Variants in MAMLD1 observed in about 807,000 individuals in gnomAD.
MAMLD1 encodes mastermind-like domain-containing protein 1.
In MAMLD1, 14 loss-of-function variants were observed where a neutral mutation model predicts 45.0. That is an observed-to-expected ratio of 0.31 (90% CI 0.21 to 0.49). The LOEUF is 0.49. MAMLD1 is among the 20% of genes least tolerant of loss of function. The pLI is 0.99. For synonymous variants in MAMLD1, 254 were observed against 247.8 expected (o/e 1.02, Z -0.24); for missense variants, 543 against 603.6 (o/e 0.90, Z 1.05).
At chrX:150,461,530 A>G (rs1472204081) in intron 2 of MAMLD1, among the ~76,000 whole-genome samples, 5 of 111,558 alleles carry the variant, frequency 4.5e-5, no homozygotes, top group African/African-American at 9.8e-5. Context: ...AGCATTCTAG[A>G]AAAGGGGTGT....
At chrX:150,415,341 T>G (rs1488202820) in intron 1 of MAMLD1, among the ~76,000 whole-genome samples, 1 of 112,887 alleles carries the variant, frequency 8.9e-6, no homozygotes, top group Non-Finnish European at 1.9e-5. Context: ...GCCAGAGGCA[T>G]CTTCATCATT....
At chrX:150,399,885 C>G (rs1297363017) in intron 1 of MAMLD1, among the ~76,000 whole-genome samples, 1 of 112,333 alleles carries the variant, frequency 8.9e-6, no homozygotes, top group African/African-American at 3.2e-5. Context: ...AACAATTGAG[C>G]AGGCTTTCAG....
At chrX:150,460,640 G>A (rs1381852455) in intron 2 of MAMLD1, among the ~76,000 whole-genome samples, 1 of 111,567 alleles carries the variant, frequency 9.0e-6, no homozygotes, top group Non-Finnish European at 1.9e-5. Flanking sequence ...TATTGCTACT[G>A]CATTCACACA....
chrX:150,443,070 A>G (rs1441708984), intron 1 of MAMLD1, among the ~76,000 whole-genome samples: 11 of 111,391 alleles, frequency 9.9e-5, no homozygotes, highest in African/African-American at 3.6e-4. Context: ...CACTGTATTC[A>G]AGGCTTTTCT....
At chrX:150,495,606 C>T in intron 5 of MAMLD1, among the ~76,000 whole-genome samples, 1 of 112,500 alleles carries the variant, frequency 8.9e-6, no homozygotes, top group East Asian at 2.8e-4. Context: ...GAAAGCAGAG[C>T]AGGAAATTCA....
intron 5 of MAMLD1, among the ~76,000 whole-genome samples, chrX:150,486,215 C>T (rs1311609131): frequency 8.9e-6 from 1 of 111,912 alleles, no homozygotes; most frequent in African/African-American, 3.3e-5. Flanking sequence ...GCTGGCTCCC[C>T]CTTGTGGGCA....
intron 2 of MAMLD1, among the ~76,000 whole-genome samples, chrX:150,446,087 C>T (rs962317556): frequency 2.4e-4 from 27 of 111,842 alleles, no homozygotes; most frequent in African/African-American, 8.1e-4. Flanking sequence ...CTTCTACTTT[C>T]CTCCCTGGGA....
intron 1 of MAMLD1, among the ~76,000 whole-genome samples, chrX:150,439,424 C>T (rs782413864): frequency 1.8e-5 from 2 of 111,626 alleles, no homozygotes; most frequent in Admixed American, 9.5e-5. Flanking sequence ...TGAAGATTTA[C>T]TTCTATGTTT....
chrX:150,449,751 C>T (rs1351953932), intron 2 of MAMLD1, among the ~76,000 whole-genome samples: 1 of 110,473 alleles, frequency 9.1e-6, no homozygotes, highest in Non-Finnish European at 1.9e-5. Flanking sequence ...GCCCTGTGCT[C>T]GATCTTGAGC....
intron 1 of MAMLD1, among the ~76,000 whole-genome samples, chrX:150,427,564 ACCTGTCTCCTCAT>A (rs112948818): frequency 0.46 from 50,583 of 109,684 alleles, 9,317 homozygotes; most frequent in East Asian, 0.77. Flanking sequence ...CCTGAACCAC[ACCTGTCTCCTCAT>A]CCTCACCCTA....
intron 5 of MAMLD1, among the ~76,000 whole-genome samples, chrX:150,490,955 G>C (rs1317680089): frequency 2.7e-5 from 3 of 111,955 alleles, no homozygotes; most frequent in Non-Finnish European, 5.6e-5. Context: ...CTCAATAGAT[G>C]TAAAAAGGAA....
In MAMLD1 at chrX:150,512,131, C is replaced by G; in HGVS notation, c.*172C>G. The G allele has an allele frequency of 8.7e-7, 1 of 1,154,010 alleles. No individual in the cohort carries two copies. The highest frequency in any genetic ancestry group is 1.1e-6 in the Non-Finnish European group (1 of 871,712). ...TGAGTCCAGGAATGATCCCACTCAC[C>G]AGGCACCAGAGCTGCGAGGGCATGG... On this transcript the variant is annotated 3_prime_UTR_variant, in exon 8 of 8. Transcript: ENST00000370401.
chrX:150,390,288 T>C (rs1364519221), intron 1 of MAMLD1, among the ~76,000 whole-genome samples: 1 of 112,115 alleles, frequency 8.9e-6, no homozygotes, highest in East Asian at 2.8e-4. Context: ...TTTTAGACCA[T>C]ATAAATAAGA....
chrX:150,369,720 T>G (rs1192227545), intron 1 of MAMLD1, among the ~76,000 whole-genome samples: 2 of 112,200 alleles, frequency 1.8e-5, no homozygotes, highest in Non-Finnish European at 3.8e-5. Context: ...AGAGCAGATT[T>G]GCTGCTTTGC....
chrX:150,372,540 C>A (rs782214762), intron 1 of MAMLD1, among the ~76,000 whole-genome samples: 62 of 112,343 alleles, frequency 5.5e-4, no homozygotes, highest in African/African-American at 1.9e-3. Context: ...GAGGGCACAG[C>A]GTTTCTAAGC....
intron 1 of MAMLD1, among the ~76,000 whole-genome samples, chrX:150,365,912 TTATAAC>T (rs1173226887): frequency 8.9e-6 from 1 of 112,643 alleles, no homozygotes; most frequent in Admixed American, 9.3e-5. Context: ...TCCTTGTCCC[TTATAAC>T]TGCCCCCCTA....
At chrX:150,502,619 C>G (rs2037591357) in intron 5 of MAMLD1, among the ~76,000 whole-genome samples, 1 of 112,013 alleles carries the variant, frequency 8.9e-6, no homozygotes, top group Non-Finnish European at 1.9e-5. Context: ...AAGGGGAGGT[C>G]CCACCCACAC....
intron 1 of MAMLD1, among the ~76,000 whole-genome samples, chrX:150,397,885 T>C (rs1557402304): frequency 9.0e-6 from 1 of 111,527 alleles, no homozygotes; most frequent in African/African-American, 3.3e-5. Flanking sequence ...CTAAATTCAC[T>C]ATTCAACATC....
intron 2 of MAMLD1, among the ~76,000 whole-genome samples, chrX:150,461,633 C>A (rs1327640654): frequency 8.9e-6 from 1 of 112,105 alleles, no homozygotes; most frequent in African/African-American, 3.3e-5. Flanking sequence ...AGGCTCCACA[C>A]AATTCATAGC....
Sources: gnomAD v4.1 joint callset for allele counts (sites outside exome capture counted in the v4.1 genomes callset) on GRCh38, gnomAD v4.1.1 for gene constraint, MANE v1.5 for transcripts, NCBI Gene and HGNC (gene_info 2026-07-23, HGNC 2026-07-21) for gene names.